The following PCDHA1 variants were observed in gnomAD, a reference collection of about 807,000 sequenced individuals.
PCDHA1 encodes protocadherin alpha 1, also known as protocadherin alpha-1.
A neutral mutation model predicts 61.3 loss-of-function variants in PCDHA1; 42 were observed. The observed-to-expected ratio is 0.69, with a 90% confidence interval of 0.54 to 0.89. The LOEUF (loss-of-function observed/expected upper bound fraction) is 0.89. PCDHA1 is among the 40% of genes least tolerant of loss of function. The pLI is 0.00. For synonymous variants in PCDHA1, 610 were observed against 553.8 expected, an observed-to-expected ratio of 1.10 and a Z score of -1.43; for missense variants, 1,256 against 1,235.3, an observed-to-expected ratio of 1.02 and a Z score of -0.25.
At chr5:140,841,779 C>T in intron 1 of PCDHA1, 1 of 1,613,838 alleles carries the variant, frequency 6.2e-7, no homozygotes, top group Non-Finnish European at 8.5e-7. Flanking sequence ...TCTCGGTTTC[C>T]GCTAGAGGGC....
At chr5:140,875,423 G>A in intron 1 of PCDHA1, 2 of 1,524,996 alleles carry the variant, frequency 1.3e-6, no homozygotes, top group Non-Finnish European at 1.8e-6. Flanking sequence ...CCTCAGGCAA[G>A]CGATCCCTTA....
chr5:140,790,900 T>C (rs1181275983), intron 1 of PCDHA1, among the ~76,000 whole-genome samples: 2 of 152,184 alleles, frequency 1.3e-5, no homozygotes, highest in African/African-American at 4.8e-5. Flanking sequence ...TATGAAAAGG[T>C]AATTCTAGAA....
At position 140,850,386 on chromosome 5, in the gene PCDHA1, A is replaced by G. The variant is rs2041574061; in HGVS notation, c.2394+61702A>G. ...CCGCGTGGGGCTGTACACGGGCGAGATCAGCACAACGCGTGCCCTGGACGA... is the reference window on the plus strand; with the variant it reads ...CCGCGTGGGGCTGTACACGGGCGAGGTCAGCACAACGCGTGCCCTGGACGA... On this transcript the variant is annotated intron_variant, in intron 1 of 3. Coordinates refer to ENST00000504120, the MANE Select transcript of PCDHA1 (RefSeq NM_018900.4). 1.3e-6 allele frequency: 2 copies of G among 1,597,858 alleles called. 1 individual carries two copies. Among genetic ancestry groups the G allele is most frequent in the South Asian group, 2.2e-5 (2 of 90,510 alleles).
At chr5:140,893,655 T>G (rs894439477) in intron 1 of PCDHA1, among the ~76,000 whole-genome samples, 1 of 152,200 alleles carries the variant, frequency 6.6e-6, no homozygotes, top group Non-Finnish European at 1.5e-5. Flanking sequence ...GCTGATAGTT[T>G]TAAAAAATTT....
At chr5:140,842,458 A>G (rs1777969478) in intron 1 of PCDHA1, 4 of 1,613,788 alleles carry the variant, frequency 2.5e-6, no homozygotes, top group Non-Finnish European at 3.4e-6. Flanking sequence ...ACCTCGATTC[A>G]GGTGCCAACG....
At chr5:141,005,861 C>T (rs921854027) in intron 3 of PCDHA1, among the ~76,000 whole-genome samples, 2 of 151,860 alleles carry the variant, frequency 1.3e-5, no homozygotes, top group Admixed American at 6.6e-5. Flanking sequence ...ACAGGAGGGT[C>T]GATTGAGTCC....
Position 140,787,429 on chromosome 5 carries a change from G to T in PCDHA1, c.1139G>T (p.Gly380Val). Residue 380 changes from glycine to valine, a missense_variant, in exon 1 of 4, where the codon GGT (glycine) becomes GTT (valine). Transcript: ENST00000504120. ...ATCACCGTGTCTGACCGTGACTCAGGTGCCAACGGGCAGGTGACTTGCTCC... is the reference window on the plus strand; with the variant it reads ...ATCACCGTGTCTGACCGTGACTCAGTTGCCAACGGGCAGGTGACTTGCTCC... ...ALITVSDRDS[G>V]ANGQVTCSLM... 1 of 1,614,224 alleles carries T rather than the reference G, an allele frequency of 6.2e-7. No individual in the cohort carries two copies. The highest frequency in any genetic ancestry group is 8.5e-7 in the Non-Finnish European group (1 of 1,180,028).
chr5:140,943,830 G>C (rs1245752469), intron 1 of PCDHA1, among the ~76,000 whole-genome samples: 1 of 152,198 alleles, frequency 6.6e-6, no homozygotes, highest in Non-Finnish European at 1.5e-5. Context: ...TGAGTTGATT[G>C]AAGTTGTAAG....
chr5:140,851,090 A>G lies in PCDHA1; in HGVS notation c.2394+62406A>G. 3.9e-6 allele frequency: 5 copies of G among 1,295,740 alleles called. 1 individual carries two copies. Among genetic ancestry groups the G allele is most frequent in the African/African-American group, 1.5e-5 (1 of 65,588 alleles). The allele number at this position is 1,295,740 out of a possible 1,614,324, so 80.3% of individuals were successfully genotyped here. ...GAGAATTATAAACTGTATATTAAAT[A>G]GATATTTTTTGGGTGCTGAATCAAT... is the stretch of plus-strand genomic sequence containing the variant. On this transcript the variant is annotated intron_variant, in intron 1 of 3. Coordinates refer to ENST00000504120, the MANE Select transcript of PCDHA1 (RefSeq NM_018900.4).
At chr5:140,948,527 A>G (rs902965857) in intron 1 of PCDHA1, among the ~76,000 whole-genome samples, 7 of 151,560 alleles carry the variant, frequency 4.6e-5, no homozygotes, top group Non-Finnish European at 8.9e-5. Context: ...CACTATTTAT[A>G]TTTTATTTCA....
chr5:140,889,968 T>A (rs1373057542), intron 1 of PCDHA1, among the ~76,000 whole-genome samples: 2 of 152,170 alleles, frequency 1.3e-5, no homozygotes, highest in Non-Finnish European at 2.9e-5. Context: ...AAAATTACTA[T>A]CCAGTCTCCA....
At chr5:140,962,716 G>A (rs1268660102) in intron 1 of PCDHA1, among the ~76,000 whole-genome samples, 2 of 152,304 alleles carry the variant, frequency 1.3e-5, no homozygotes, top group East Asian at 3.9e-4. Context: ...ATATTGGAAA[G>A]TATTTTCCTT....
chr5:140,863,024 C>G (rs563115859), intron 1 of PCDHA1: 7 of 555,234 alleles, frequency 1.3e-5, no homozygotes, highest in Non-Finnish European at 2.1e-5. Flanking sequence ...CTGGTTGTCG[C>G]AACAGCTGCA....
intron 1 of PCDHA1, chr5:140,881,265 T>C (rs1352186503): frequency 1.7e-6 from 1 of 600,348 alleles, no homozygotes; most frequent in Non-Finnish European, 2.1e-6. Context: ...TACTCAGTGA[T>C]GATGAAGTAA....
intron 1 of PCDHA1, chr5:140,841,894 G>T (rs2150324994): frequency 6.2e-7 from 1 of 1,613,814 alleles, no homozygotes; most frequent in Non-Finnish European, 8.5e-7. Flanking sequence ...AGAATAAACT[G>T]GTTGAGCTCG....
At chr5:140,804,286 C>T (rs1030702864) in intron 1 of PCDHA1, 3 of 152,024 alleles carry the variant, frequency 2.0e-5, no homozygotes, top group African/African-American at 7.2e-5. Context: ...CATCTTTGTT[C>T]ATCTTTAGTT....
chr5:140,852,043 A>G, intron 1 of PCDHA1: 1 of 921,642 alleles, frequency 1.1e-6, no homozygotes, highest in Non-Finnish European at 1.3e-6. Flanking sequence ...AGTTTTTGTT[A>G]TGTGGTTTAT....
In PCDHA1 at chr5:141,003,240, CAA is replaced by C. The variant is rs1287973511; in HGVS notation, c.2543-6383_2543-6382del. ...GAAAGAGGAAAGCTGGAAATTTTGC[CAA>C]AAAGATTCCTGGGCAGTGCCTAAGG... On this transcript the variant is annotated intron_variant, in intron 3 of 3. Transcript: ENST00000504120. Among the ~76,000 whole-genome samples the C allele has an allele frequency of 2.6e-5, 4 of 152,150 alleles. No individual in the cohort carries two copies. In the East Asian group the frequency reaches 7.7e-4, roughly 29 times the overall value.
chr5:140,982,882 C>A (rs1554244920), intron 3 of PCDHA1, among the ~76,000 whole-genome samples: 1 of 151,972 alleles, frequency 6.6e-6, no homozygotes, highest in African/African-American at 2.4e-5. Flanking sequence ...CCAAGCCATG[C>A]AGAGAAGATC....
Sources: allele counts gnomAD v4.1 joint callset (sites outside exome capture counted in the v4.1 genomes callset), GRCh38; gene constraint gnomAD v4.1.1; transcripts MANE v1.5; gene names NCBI Gene and HGNC (gene_info 2026-07-23, HGNC 2026-07-21).